SBNO2: variants seen among roughly 807,000 people sequenced by gnomAD.
SBNO2 encodes strawberry notch homolog 2.
SBNO2 carries 89 observed loss-of-function variants against 146.3 expected under a neutral mutation model. The ratio of observed to expected loss-of-function variants is 0.61; its 90% CI spans 0.51 to 0.73. The LOEUF (loss-of-function observed/expected upper bound fraction) is 0.73, where lower values mean the gene tolerates loss of function less well. Ranked by LOEUF, SBNO2 falls within the 30% of genes least tolerant of loss-of-function variation. SBNO2 has a pLI of 0.00. For synonymous variants in SBNO2, 1,147 were observed against 892.6 expected (o/e 1.29, Z -5.08); for missense variants, 2,092 against 2,003.7 (o/e 1.04, Z -0.84).
intron 4 of SBNO2, among the ~76,000 whole-genome samples, chr19:1,145,940 C>T (rs2145293998): frequency 6.6e-6 from 1 of 152,250 alleles, no homozygotes. Flanking sequence ...AGGAATCCAC[C>T]CTCTTCCCGT....
At chr19:1,170,292 G>A (rs2080465113) in intron 1 of SBNO2, among the ~76,000 whole-genome samples, 1 of 152,202 alleles carries the variant, frequency 6.6e-6, no homozygotes, top group Non-Finnish European at 1.5e-5. Flanking sequence ...CCTGTGACGG[G>A]TGACCACACC....
Position 1,117,463 on chromosome 19 carries a change from C to G in SBNO2, c.1564G>C (p.Asp522His). ...EALNVFQQAA[D>H]WIGLESRKSL... The stretch of plus-strand genomic sequence containing the variant: ...TTGCGCGACTCCAGGCCGATCCAGT[C>G]GGCCGCCTGCTGGAACACGTTCAGG... The change falls in exon 15 of 32, where the codon GAC (aspartate) becomes CAC (histidine). Residue 522 changes from aspartate to histidine, a missense_variant. Transcript: ENST00000361757. 1 of 1,587,718 alleles carries G rather than the reference C, an allele frequency of 6.3e-7. No individual in the cohort carries two copies. The highest frequency in any genetic ancestry group is 1.3e-5 in the African/African-American group (1 of 74,328).
Position 1,119,020 on chromosome 19 carries a change from C to A in SBNO2, c.1518G>T (p.Ala506=). The A allele has an allele frequency of 6.3e-7, 1 of 1,592,538 alleles. No individual in the cohort carries two copies. ...APAFECVYNR[A]ALLWAEALNV... is the part of the protein sequence containing the mutation. ...GGGTGCGCAGGCTCACCAGCAGGGC[C>A]GCGCGGTTGTAGACGCACTCGAAGG... Residue 506 remains alanine, a synonymous_variant, in exon 14 of 32, where the codon GCG becomes GCT. Transcript: ENST00000361757.
chr19:1,139,750 G>A (rs1164427198), intron 4 of SBNO2, among the ~76,000 whole-genome samples: 4 of 151,714 alleles, frequency 2.6e-5, no homozygotes, highest in Admixed American at 2.6e-4. Context: ...AGCTGAGATC[G>A]TGCCATTGCA....
chr19:1,116,184 C>G, intron 16 of SBNO2, 81 bp from the exon 17 acceptor site: 1 of 1,330,770 alleles, frequency 7.5e-7, no homozygotes, highest in Non-Finnish European at 1.0e-6. Context: ...GGACGCACCC[C>G]TGGGTCCCTG....
chr19:1,114,323 C>T lies in SBNO2; in HGVS notation c.1985G>A (p.Gly662Asp). Residue 662 changes from glycine (G) to aspartate (D), a missense_variant, in exon 18 of 32, where the codon GGC (glycine) becomes GAC (aspartate). By Grantham distance (94) the Gly-to-Asp change is moderately conservative. Transcript: ENST00000361757. Reference protein sequence around the residue: ...SDDSSTESDPGLDSDFNSSPE... With the variant: ...SDDSSTESDPDLDSDFNSSPE... ...GGAGGAGTTGAAGTCGCTGTCCAGG[C>T]CAGGGTCCGACTCCGTGCTGCTGTC... 1 of 1,556,536 alleles carries T rather than the reference C, an allele frequency of 6.4e-7. No individual in the cohort carries two copies. Among genetic ancestry groups the T allele is most frequent in the Admixed American group, 1.9e-5 (1 of 52,168 alleles).
chr19:1,170,276 C>T (rs948628305), intron 1 of SBNO2, among the ~76,000 whole-genome samples: 7 of 152,228 alleles, frequency 4.6e-5, no homozygotes, highest in African/African-American at 9.6e-5. Context: ...CTCCTGAGTC[C>T]TGGGCCCTGT....
At chr19:1,160,918 A>G (rs965038466) in intron 1 of SBNO2, among the ~76,000 whole-genome samples, 19 of 151,412 alleles carry the variant, frequency 1.3e-4, no homozygotes, top group African/African-American at 4.1e-4. Flanking sequence ...TGCCAGGACC[A>G]CAAGGGGGCA....
intron 4 of SBNO2, among the ~76,000 whole-genome samples, chr19:1,138,464 T>C (rs1040422530): frequency 7.9e-5 from 12 of 152,064 alleles, no homozygotes; most frequent in African/African-American, 2.7e-4. Context: ...GACCTGCATA[T>C]GGACGCTGCT....
chr19:1,120,097 A>G (rs963670206), intron 11 of SBNO2, 74 bp from the exon 12 acceptor site: 5 of 1,221,994 alleles, frequency 4.1e-6, no homozygotes, highest in Non-Finnish European at 5.8e-6. Context: ...TGACCACCCA[A>G]GACCCCACCT....
intron 13 of SBNO2, 146 bp downstream of exon 13, chr19:1,119,370 C>G (rs2079871727): frequency 3.5e-6 from 3 of 853,998 alleles, no homozygotes. Context: ...TGCTGGGCAG[C>G]CCGAGGCAGT....
chr19:1,172,778 G>C (rs7508461), intron 1 of SBNO2, among the ~76,000 whole-genome samples: 7,140 of 33,654 alleles, frequency 0.21, 1,572 homozygotes, highest in African/African-American at 0.49. Flanking sequence ...CACTGCAACC[G>C]CCCCCCCCGC....
chr19:1,118,775 G>C (rs3826957), intron 14 of SBNO2, among the ~76,000 whole-genome samples: 81,264 of 151,712 alleles, frequency 0.54, 22,487 homozygotes, highest in African/African-American at 0.67. Flanking sequence ...GAGAGGCTGA[G>C]GGGGGAGAAT....
At chr19:1,172,774 A>ACCCCCCCCC (rs1568659622) in intron 1 of SBNO2, among the ~76,000 whole-genome samples, 1 of 49,654 alleles carries the variant, frequency 2.0e-5, no homozygotes. Context: ...CACTCACTGC[A>ACCCCCCCCC]ACCGCCCCCC....
chr19:1,109,626 G>GA lies in SBNO2; in HGVS notation c.3124-29dup. 1 of 1,537,802 alleles carries GA rather than the reference G, an allele frequency of 6.5e-7. No individual in the cohort carries two copies. ...GCCACGGCACGGGGTGGGGGGGTGT[G>GA]AGTGTGGTGGGGGCGGGGTGGGCAG... On this transcript the variant is annotated intron_variant, in intron 27 of 31. Coordinates refer to ENST00000361757, the MANE Select transcript of SBNO2 (RefSeq NM_014963.3). The surrounding 1 kb of genome is among the most constrained non-coding windows in gnomAD (Gnocchi z 4.2).
At chr19:1,143,923 T>C (rs1457242334) in intron 4 of SBNO2, among the ~76,000 whole-genome samples, 1 of 152,186 alleles carries the variant, frequency 6.6e-6, no homozygotes, top group Non-Finnish European at 1.5e-5. Flanking sequence ...CGGCGGCAGG[T>C]CCTGGGGATC....
At position 1,109,379 on chromosome 19, in the gene SBNO2, G is replaced by C. The variant is rs1216393416; in HGVS notation, c.3261C>G (p.Arg1087=). ...GCTTGTACACCGTGAAGAACTGGCCGCGGTTCTGCTCCGCCAGCAGGCAGC... is the reference window on the plus strand; with the variant it reads ...GCTTGTACACCGTGAAGAACTGGCCCCGGTTCTGCTCCGCCAGCAGGCAGC... ...KPSCLLAEQN[R]GQFFTVYKPN... Residue 1087 remains arginine, a synonymous_variant, in exon 29 of 32, where the codon CGC becomes CGG. Coordinates refer to ENST00000361757, the MANE Select transcript of SBNO2 (RefSeq NM_014963.3). This position sits in a 1 kb window ranked among gnomAD's most constrained non-coding sequence, Gnocchi z 4.2. 1 of 1,575,870 alleles carries C rather than the reference G, an allele frequency of 6.3e-7. No homozygotes were observed. The highest frequency in any genetic ancestry group is 1.8e-5 in the Admixed American group (1 of 54,164).
intron 14 of SBNO2, among the ~76,000 whole-genome samples, 158 bp from the exon 15 acceptor site, chr19:1,117,657 G>A (rs1299983143): frequency 6.6e-6 from 1 of 152,258 alleles, no homozygotes; most frequent in Admixed American, 6.5e-5. Flanking sequence ...AAGAGGCACT[G>A]CCTCTACCTG....
intron 10 of SBNO2, 45 bp downstream of exon 10, chr19:1,122,423 C>A (rs1421642191): frequency 6.5e-7 from 1 of 1,539,318 alleles, no homozygotes; most frequent in Non-Finnish European, 8.8e-7. Context: ...CTTTGCAGGG[C>A]ACGGTCCCCA....
Sources: allele counts gnomAD v4.1 joint callset (sites outside exome capture counted in the v4.1 genomes callset), GRCh38; gene constraint gnomAD v4.1.1; non-coding constraint Gnocchi (gnomAD v3.1); transcripts MANE v1.5; gene names NCBI Gene and HGNC (gene_info 2026-07-23, HGNC 2026-07-21).